The following SPAM1 variants were observed in gnomAD, a reference collection of about 807,000 sequenced individuals.
SPAM1 encodes hyaluronidase PH-20.
SPAM1 carries 22 observed loss-of-function variants against 29.6 expected under a neutral mutation model. That is an observed-to-expected ratio of 0.74 (90% CI 0.53 to 1.06). The LOEUF is 1.06. Ranked by LOEUF, SPAM1 falls within the 50% of genes least tolerant of loss-of-function variation. SPAM1 has a pLI of 0.00. For missense variants in SPAM1, 534 were observed against 604.0 expected, an observed-to-expected ratio of 0.88 and a Z score of 1.21; for synonymous variants, 194 against 204.6, an observed-to-expected ratio of 0.95 and a Z score of 0.44.
At chr7:123,938,290 G>A (rs1302122527) in intron 1 of SPAM1, among the ~76,000 whole-genome samples, 2 of 151,972 alleles carry the variant, frequency 1.3e-5, no homozygotes, top group Non-Finnish European at 2.9e-5. Flanking sequence ...TATTCTTAAG[G>A]TAGACTTCAA....
chr7:123,971,233 A>C (rs185732972), exon 7 of SPAM1: 3 of 152,294 alleles, frequency 2.0e-5, no homozygotes, highest in African/African-American at 7.2e-5. Context: ...TTATAAGAAA[A>C]ATTATGTACA....
chr7:123,954,243 T>TA lies in SPAM1; in HGVS notation c.674dup (p.Tyr225Ter). ...GGGTTATTATCTTTTTCCGGATTGTTACAACCATCACTATAAGAAACCCGG... is the reference window on the plus strand; with the variant it reads ...GGGTTATTATCTTTTTCCGGATTGTTAACAACCATCACTATAAGAAACCCGG... ...LWGYYLFPDC[Y>*]NHHYKKPGYN... is the part of the protein sequence containing the mutation. Residue 225 changes from tyrosine (Y) to a stop codon, truncating the protein, a stop_gained and frameshift_variant, in exon 3 of 5, where the codon TAC becomes TAAC. Coordinates refer to ENST00000682466, the MANE Select transcript of SPAM1 (RefSeq NM_153189.3). LOFTEE classifies it high-confidence loss of function. 3 of 1,613,460 alleles carry TA rather than the reference T, an allele frequency of 1.9e-6. No homozygotes were observed. The South Asian group carries it at 3.3e-5, about 18-fold the overall frequency.
Position 123,953,528 on chromosome 7 carries a change from GT to G in SPAM1, c.-42del. 7.5e-7 allele frequency: 1 copy of G among 1,325,210 alleles called. No homozygotes were observed. The highest frequency in any genetic ancestry group is 1.0e-6 in the Non-Finnish European group (1 of 959,398). 82.1% of individuals were successfully genotyped at this position (1,325,210 alleles called of 1,614,324 possible). On this transcript the variant is annotated 5_prime_UTR_variant, in exon 3 of 5. Transcript: ENST00000682466. Reference sequence around the variant, plus strand: ...CATCAGATATTGGGTAAACCAAAGTGTGTAGGAAGAAATAAATGTTTTCATA... The same window carrying G: ...CATCAGATATTGGGTAAACCAAAGTGGTAGGAAGAAATAAATGTTTTCATA...
chr7:123,927,174 C>G (rs1163603797), intron 1 of SPAM1, among the ~76,000 whole-genome samples: 2 of 152,080 alleles, frequency 1.3e-5, no homozygotes, highest in Non-Finnish European at 2.9e-5. Flanking sequence ...GCATGACTCC[C>G]TAGACCTCTT....
At chr7:123,962,686 A>T (rs756705963), downstream of SPAM1, among the ~76,000 whole-genome samples, 25 of 151,440 alleles carry the variant, frequency 1.7e-4, no homozygotes, top group Admixed American at 7.9e-4. Context: ...GAGTTGTAAA[A>T]TTTTTTTTTA....
At position 123,930,255 on chromosome 7, in the gene SPAM1, T is replaced by G. The variant is rs550005107; in HGVS notation, c.-319+4903T>G. Among the ~76,000 whole-genome samples the G allele has an allele frequency of 5.5e-4, 84 of 152,160 alleles. 3 individuals carry two copies. In the South Asian group the frequency reaches 0.017, roughly 30 times the overall value. ...CTAAAAATCTTTTCAAATATAAAAG[T>G]TTTTCCAAATCCATGGATTCATCAT... On this transcript the variant is annotated intron_variant, in intron 1 of 4. Coordinates refer to ENST00000682466, the MANE Select transcript of SPAM1 (RefSeq NM_153189.3).
At position 123,965,050 on chromosome 7, in the gene SPAM1, C is replaced by T. The variant is rs1792405379; in HGVS notation, c.1485+5126C>T. ...CAACAATCATATGCTTTACATACAA[C>T]TTCTGATTTAATTATTTTTTTTCCA... On this transcript the variant is annotated intron_variant, in intron 5 of 6. Coordinates refer to the SPAM1 transcript ENST00000340011. Among the ~76,000 whole-genome samples the T allele has an allele frequency of 2.0e-5, 3 of 151,950 alleles. No individual in the cohort carries two copies. The South Asian group carries it at 6.2e-4, about 31-fold the overall frequency.
downstream of SPAM1, among the ~76,000 whole-genome samples, chr7:123,964,507 A>C (rs147193923): frequency 8.1e-4 from 123 of 151,938 alleles, 1 homozygote; most frequent in Non-Finnish European, 1.5e-3. Context: ...TAAATTTTTG[A>C]CTTTTTAAAA....
intron 1 of SPAM1, among the ~76,000 whole-genome samples, chr7:123,938,909 T>C (rs1176744678): frequency 6.6e-6 from 1 of 152,284 alleles, no homozygotes; most frequent in East Asian, 1.9e-4. Context: ...TGAACCACTG[T>C]AATCGCAGAA....
chr7:123,952,961 A>G (rs935183994), intron 2 of SPAM1, among the ~76,000 whole-genome samples: 4 of 151,960 alleles, frequency 2.6e-5, no homozygotes, highest in Admixed American at 6.6e-5. Flanking sequence ...TCACAATTCT[A>G]TGAAAGGTTG....
chr7:123,943,939 G>GAA (rs1808500237), intron 1 of SPAM1, among the ~76,000 whole-genome samples: 2 of 152,048 alleles, frequency 1.3e-5, no homozygotes, highest in African/African-American at 4.8e-5. Context: ...TAATTATCTT[G>GAA]ACCATAAGAT....
chr7:123,938,254 C>A (rs1263300794), intron 1 of SPAM1, among the ~76,000 whole-genome samples: 1 of 152,098 alleles, frequency 6.6e-6, no homozygotes, highest in Non-Finnish European at 1.5e-5. Context: ...AGACACATAC[C>A]ACCATGCCTG....
At chr7:123,931,717 T>C (rs1808084728) in intron 1 of SPAM1, among the ~76,000 whole-genome samples, 1 of 152,206 alleles carries the variant, frequency 6.6e-6, no homozygotes, top group Non-Finnish European at 1.5e-5. Context: ...TTTTTCAGCA[T>C]ACCCTCCAAT....
At chr7:123,954,792 G>A (rs982622501) in intron 3 of SPAM1, among the ~76,000 whole-genome samples, 1 of 151,128 alleles carries the variant, frequency 6.6e-6, no homozygotes, top group Admixed American at 6.6e-5. Context: ...CTTAGGCCTC[G>A]TCTCTTTTCA....
intron 5 of SPAM1, among the ~76,000 whole-genome samples, chr7:123,966,800 G>A (rs6970775): frequency 6.6e-6 from 1 of 151,752 alleles, no homozygotes; most frequent in African/African-American, 2.4e-5. Context: ...GCTAATGGAT[G>A]CTGGACTTAA....
intron 1 of SPAM1, 110 bp from the exon 2 acceptor site, chr7:123,949,761 TA>T (rs1293456282): frequency 6.6e-6 from 1 of 152,152 alleles, no homozygotes; most frequent in Non-Finnish European, 1.5e-5. Context: ...GTTCCAGTGA[TA>T]AAACGCCTTT....
chr7:123,931,508 C>T (rs1272996460), intron 1 of SPAM1, among the ~76,000 whole-genome samples: 1 of 152,140 alleles, frequency 6.6e-6, no homozygotes, highest in African/African-American at 2.4e-5. Flanking sequence ...GATTTCTTTC[C>T]CTCAGGCTAT....
chr7:123,945,694 CTGGTATTGAAGA>C (rs1330863058), intron 1 of SPAM1, among the ~76,000 whole-genome samples: 3 of 152,056 alleles, frequency 2.0e-5, no homozygotes, highest in African/African-American at 7.2e-5. Flanking sequence ...TAGATTTTCC[CTGGTATTGAAGA>C]TGGTGAAAGG....
In SPAM1 at chr7:123,939,216, C is replaced by G. The variant is rs572109511; in HGVS notation, c.-318-10656C>G. Among the ~76,000 whole-genome samples the G allele has an allele frequency of 1.9e-4, 29 of 151,594 alleles. 1 individual carries two copies. Among genetic ancestry groups the G allele is most frequent in the African/African-American group, 4.1e-4 (17 of 41,344 alleles). On this transcript the variant is annotated intron_variant, in intron 1 of 4. Coordinates refer to ENST00000682466, the MANE Select transcript of SPAM1 (RefSeq NM_153189.3). ...TTCTCCTGCCTCAGCCTCCCGAGTA[C>G]CTGGGACTACAGGCGCCCGCCATCA...
Sources: allele counts gnomAD v4.1 joint callset (sites outside exome capture counted in the v4.1 genomes callset), GRCh38; gene constraint gnomAD v4.1.1; transcripts MANE v1.5; gene names NCBI Gene and HGNC (gene_info 2026-07-23, HGNC 2026-07-21).